Variants in ADSL observed in about 807,000 individuals in gnomAD.
The protein encoded by ADSL is adenylosuccinate lyase, also known as adenylosuccinase.
In ADSL, 44 loss-of-function variants were observed where a neutral mutation model predicts 62.1. That is an observed-to-expected ratio of 0.71 (90% CI 0.56 to 0.91). The LOEUF is 0.91. Among genes scored for constraint, ADSL ranks in the 40% least tolerant of loss-of-function variants. The probability of loss-of-function intolerance (pLI) is 0.00; values close to 1 mark genes in which losing one functional copy is unlikely to be tolerated. For synonymous variants in ADSL, 198 were observed against 220.5 expected, an observed-to-expected ratio of 0.90 and a Z score of 0.90; for missense variants, 531 against 627.4, an observed-to-expected ratio of 0.85 and a Z score of 1.64.
chr22:40,357,718 A>G (rs977073461), intron 4 of ADSL, among the ~76,000 whole-genome samples: 1 of 152,146 alleles, frequency 6.6e-6, no homozygotes, highest in Admixed American at 6.5e-5. Context: ...CATCACCATT[A>G]CCTTCATCGT....
chr22:40,385,945 G>A (rs2048349466), intron 2 of ADSL, among the ~76,000 whole-genome samples: 1 of 151,930 alleles, frequency 6.6e-6, no homozygotes, highest in Non-Finnish European at 1.5e-5. Flanking sequence ...TCGACCTCCC[G>A]GGCCCAGGCG....
At position 40,346,580 on chromosome 22, in the gene ADSL, G is replaced by C. The variant is rs143916630; in HGVS notation, c.22G>C (p.Gly8Arg). 1 of 1,605,884 alleles carries C rather than the reference G, an allele frequency of 6.2e-7. No individual in the cohort carries two copies. The highest frequency in any genetic ancestry group is 8.5e-7 in the Non-Finnish European group (1 of 1,177,214). The change falls in exon 1 of 13, where the codon GGT becomes CGT. Residue 8 changes from glycine (G) to arginine (R), a missense_variant. Coordinates refer to ENST00000623063, the MANE Select transcript of ADSL (RefSeq NM_000026.4). ...TGGGATGGCGGCTGGAGGCGATCAT[G>C]GTTCGCCCGACAGCTACCGCTCACC... MAAGGDH[G>R]SPDSYRSPLA...
chr22:40,367,709 T>C lies in ADSL; in HGVS notation c.*1187T>C, dbSNP rs186087225. ...AGCCCATTCTCATCCTACATATTTT[T>C]CGGCATAGATGAAAATGAAAGCTTT... On this transcript the variant is annotated 3_prime_UTR_variant, in exon 13 of 13. Coordinates refer to ENST00000623063, the MANE Select transcript of ADSL (RefSeq NM_000026.4). 3 of 165,100 alleles carry C rather than the reference T, an allele frequency of 1.8e-5. No individual in the cohort carries two copies. The highest frequency in any genetic ancestry group is 7.2e-5 in the African/African-American group (3 of 41,588). 10.2% of individuals were successfully genotyped at this position (165,100 alleles called of 1,614,324 possible).
intron 2 of ADSL, among the ~76,000 whole-genome samples, chr22:40,378,846 C>T (rs992189523): frequency 1.1e-4 from 17 of 152,132 alleles, no homozygotes; most frequent in African/African-American, 3.9e-4. Flanking sequence ...CTGCAGACTC[C>T]GAGACCTAGA....
chr22:40,357,178 G>C (rs558513554), intron 4 of ADSL, among the ~76,000 whole-genome samples: 1 of 151,280 alleles, frequency 6.6e-6, no homozygotes, highest in African/African-American at 2.4e-5. Flanking sequence ...TTACAAGCGT[G>C]AGACACCGCA....
At position 40,354,147 on chromosome 22, in the gene ADSL, C is replaced by T. The variant is rs148116795; in HGVS notation, c.403-101C>T. On this transcript the variant is annotated intron_variant, in intron 3 of 12. Transcript: ENST00000623063. ...ATGGCTGCTGCCTTTCATGAGTTAG[C>T]GGTCTAATTTTATACAAAATTATCT... 3.5e-3 allele frequency: 3,595 copies of T among 1,030,120 alleles called. 85 individuals are homozygous for T. In the African/African-American group the frequency reaches 0.05, roughly 14 times the overall value. 63.8% of individuals were successfully genotyped at this position (1,030,120 alleles called of 1,614,324 possible).
chr22:40,371,433 C>G (rs2045453675), downstream of ADSL, among the ~76,000 whole-genome samples: 1 of 152,152 alleles, frequency 6.6e-6, no homozygotes, highest in Non-Finnish European at 1.5e-5. Context: ...TAGAGATGTC[C>G]TGGAATGTTC....
At chr22:40,377,993 C>A (rs1415122300) in intron 2 of ADSL, among the ~76,000 whole-genome samples, 3 of 152,128 alleles carry the variant, frequency 2.0e-5, no homozygotes, top group Non-Finnish European at 4.4e-5. Flanking sequence ...ATATTACTAG[C>A]AAACAGATTT....
chr22:40,346,834 T>C (rs1569084288), intron 1 of ADSL, 123 bp downstream of exon 1: 1 of 1,078,706 alleles, frequency 9.3e-7, no homozygotes, highest in Non-Finnish European at 1.3e-6. Context: ...TTCAGCTGGG[T>C]GTTCCCTGTC....
At chr22:40,351,457 C>A (rs1208949413) in intron 2 of ADSL, among the ~76,000 whole-genome samples, 3 of 152,128 alleles carry the variant, frequency 2.0e-5, no homozygotes, top group Non-Finnish European at 4.4e-5. Context: ...CAGGCGTTAG[C>A]CACCACGCCT....
At chr22:40,349,802 CTA>C (rs756234147) in intron 1 of ADSL, 28 bp from the exon 2 acceptor site, 7 of 1,590,078 alleles carry the variant, frequency 4.4e-6, no homozygotes, top group Non-Finnish European at 6.0e-6. Flanking sequence ...GACACTGAGA[CTA>C]TTTTATTTTA....
chr22:40,375,504 T>C (rs2046394945), intron 2 of ADSL, among the ~76,000 whole-genome samples: 1 of 151,102 alleles, frequency 6.6e-6, no homozygotes, highest in Non-Finnish European at 1.5e-5. Context: ...CACTTGAACC[T>C]GGGAGGCATA....
intron 1 of ADSL, among the ~76,000 whole-genome samples, 160 bp downstream of exon 1, chr22:40,346,871 A>G (rs1055505447): frequency 2.6e-5 from 4 of 152,100 alleles, no homozygotes; most frequent in Admixed American, 2.6e-4. Context: ...CCAGGAAAGC[A>G]AGGGCAGGAG....
At chr22:40,384,286 C>T (rs1030913771) in intron 2 of ADSL, among the ~76,000 whole-genome samples, 2 of 151,830 alleles carry the variant, frequency 1.3e-5, no homozygotes, top group Admixed American at 6.6e-5. Context: ...CAAAAATTAC[C>T]CTAAACCTTA....
Position 40,366,808 on chromosome 22 carries a change from C to A in ADSL, c.*286C>A. ...TCAAGTTTAGTCCTTTTCACGTGTTCATTTGCTTGTAAAGTAGCAAGAAAT... is the reference window on the plus strand; with the variant it reads ...TCAAGTTTAGTCCTTTTCACGTGTTAATTTGCTTGTAAAGTAGCAAGAAAT... On this transcript the variant is annotated 3_prime_UTR_variant, in exon 13 of 13. Coordinates refer to ENST00000623063, the MANE Select transcript of ADSL (RefSeq NM_000026.4). The A allele has an allele frequency of 2.6e-6, 1 of 379,398 alleles. No individual in the cohort carries two copies. The highest frequency in any genetic ancestry group is 5.0e-6 in the Non-Finnish European group (1 of 201,470). 23.5% of individuals were successfully genotyped at this position (379,398 alleles called of 1,614,324 possible). A position where few individuals can be genotyped will look rare whatever the true frequency, so the allele number is the denominator to read the frequency against.
chr22:40,375,980 G>A (rs2146750172), intron 2 of ADSL, among the ~76,000 whole-genome samples: 1 of 151,586 alleles, frequency 6.6e-6, no homozygotes, highest in East Asian at 2.0e-4. Context: ...GATTGAAGCT[G>A]TAGTGAGCTG....
At chr22:40,351,881 C>A (rs959005761) in intron 2 of ADSL, 6 of 151,244 alleles carry the variant, frequency 4.0e-5, no homozygotes, top group African/African-American at 1.2e-4. Context: ...TCTCGATCTC[C>A]TGACCTCGTG....
At chr22:40,356,783 C>T (rs2044576699) in intron 4 of ADSL, among the ~76,000 whole-genome samples, 1 of 152,150 alleles carries the variant, frequency 6.6e-6, no homozygotes, top group African/African-American at 2.4e-5. Flanking sequence ...ATTGAGGCTA[C>T]AGTGAGCTGT....
At chr22:40,372,452 T>C (rs2146714384), downstream of ADSL, among the ~76,000 whole-genome samples, 1 of 151,908 alleles carries the variant, frequency 6.6e-6, no homozygotes. Context: ...AGCGTGGAGG[T>C]GTGTGGTCTG....
Sources: allele counts gnomAD v4.1 joint callset (sites outside exome capture counted in the v4.1 genomes callset), GRCh38; gene constraint gnomAD v4.1.1; transcripts MANE v1.5; gene names NCBI Gene and HGNC (gene_info 2026-07-23, HGNC 2026-07-21).